Variants in IL1RAPL2 observed in about 807,000 individuals in gnomAD.
IL1RAPL2 encodes interleukin 1 receptor accessory protein like 2, also known as X-linked interleukin-1 receptor accessory protein-like 2.
IL1RAPL2 carries 3 observed loss-of-function variants against 44.1 expected under a neutral mutation model. The ratio of observed to expected loss-of-function variants is 0.07; its 90% CI spans 0.03 to 0.18. The LOEUF (loss-of-function observed/expected upper bound fraction) is 0.18. IL1RAPL2 is among the 10% of genes least tolerant of loss of function. The pLI, the probability that IL1RAPL2 is intolerant of heterozygous loss-of-function variation, is 1.00. For synonymous variants in IL1RAPL2, 181 were observed against 178.8 expected (o/e 1.01, Z -0.10); for missense variants, 391 against 496.4 (o/e 0.79, Z 2.02).
chrX:105,639,978 C>T (rs1176826307), intron 6 of IL1RAPL2, among the ~76,000 whole-genome samples: 2 of 111,227 alleles, frequency 1.8e-5, no homozygotes, highest in African/African-American at 6.5e-5. Context: ...GAGTCTGCCT[C>T]TTACCATTAT....
chrX:105,488,366 G>A (rs1447937435), intron 6 of IL1RAPL2, among the ~76,000 whole-genome samples: 1 of 111,985 alleles, frequency 8.9e-6, no homozygotes, highest in African/African-American at 3.2e-5. Context: ...TATGGTGGGA[G>A]AGAGAGGTCA....
In IL1RAPL2 at chrX:105,274,343, A is replaced by G. The variant is rs767871018; in HGVS notation, c.697+6802A>G. 7.6e-4 allele frequency among the ~76,000 whole-genome samples: 85 copies of G among 112,205 alleles called. 2 individuals carry two copies. Among genetic ancestry groups the G allele is most frequent in the Admixed American group, 1.6e-3 (17 of 10,528 alleles). On this transcript the variant is annotated intron_variant, in intron 5 of 10. Coordinates refer to ENST00000372582, the MANE Select transcript of IL1RAPL2 (RefSeq NM_017416.2). ...TCCAGAAAAATTAAGAATGCATGAA[A>G]CATGGTAAATTGTTACTGAATTTTG...
intron 5 of IL1RAPL2, among the ~76,000 whole-genome samples, chrX:105,447,968 TA>T (rs1300525841): frequency 6.0e-5 from 6 of 100,735 alleles, no homozygotes; most frequent in African/African-American, 2.1e-4. Flanking sequence ...ATAAATATAT[TA>T]AAAATATAAA....
chrX:105,448,419 C>T (rs763815520), intron 5 of IL1RAPL2, among the ~76,000 whole-genome samples: 2 of 107,063 alleles, frequency 1.9e-5, no homozygotes, highest in East Asian at 5.8e-4. Context: ...AGCTAGAGTG[C>T]GATGGTGCAA....
intron 6 of IL1RAPL2, among the ~76,000 whole-genome samples, chrX:105,641,832 C>T (rs1160861877): frequency 1.8e-5 from 2 of 111,140 alleles, no homozygotes; most frequent in African/African-American, 6.6e-5. Context: ...GGTGGATCAC[C>T]CATATATGGA....
At chrX:104,889,884 T>C (rs939143506) in intron 2 of IL1RAPL2, among the ~76,000 whole-genome samples, 7 of 111,564 alleles carry the variant, frequency 6.3e-5, no homozygotes, top group Non-Finnish European at 1.3e-4. Context: ...TGTGTCATGT[T>C]GGTGTGCTGC....
intron 2 of IL1RAPL2, among the ~76,000 whole-genome samples, chrX:104,907,338 C>T (rs1472209274): frequency 9.0e-6 from 1 of 111,378 alleles, no homozygotes; most frequent in African/African-American, 3.3e-5. Context: ...TTCTTGCCTT[C>T]TGCTAGCTTT....
At chrX:105,339,068 A>C (rs767896807) in intron 5 of IL1RAPL2, among the ~76,000 whole-genome samples, 1 of 112,082 alleles carries the variant, frequency 8.9e-6, no homozygotes, top group South Asian at 3.7e-4. Context: ...GCACCACTGC[A>C]CATCAGCCTG....
intron 2 of IL1RAPL2, among the ~76,000 whole-genome samples, chrX:104,772,703 A>C (rs1054225132): frequency 2.7e-5 from 3 of 111,847 alleles, no homozygotes; most frequent in African/African-American, 9.8e-5. Context: ...GTCATATAAA[A>C]TCATACCCTC....
At chrX:104,799,700 G>A (rs767083395) in intron 2 of IL1RAPL2, among the ~76,000 whole-genome samples, 1 of 111,556 alleles carries the variant, frequency 9.0e-6, no homozygotes, top group South Asian at 3.8e-4. Context: ...ATTTTTAATT[G>A]ACAATAATTG....
chrX:105,005,246 C>G (rs951587466), intron 2 of IL1RAPL2, among the ~76,000 whole-genome samples: 4 of 111,401 alleles, frequency 3.6e-5, no homozygotes, highest in Non-Finnish European at 7.6e-5. Flanking sequence ...CCTGTAGCCT[C>G]CTACAATGCT....
chrX:104,950,646 G>A (rs1379153019), intron 2 of IL1RAPL2, among the ~76,000 whole-genome samples: 3 of 112,569 alleles, frequency 2.7e-5, no homozygotes, highest in African/African-American at 9.7e-5. Context: ...AGGACCCTCC[G>A]AGCTAGGTGC....
In IL1RAPL2 at chrX:104,585,877, C is replaced by T. The variant is rs148528656; in HGVS notation, c.-20+18826C>T. On this transcript the variant is annotated intron_variant, in intron 1 of 10. Coordinates refer to ENST00000372582, the MANE Select transcript of IL1RAPL2 (RefSeq NM_017416.2). The stretch of plus-strand genomic sequence containing the variant: ...CATTTAGGTTGATTCCATGTCTTTG[C>T]TATTGTGAATAGTGGTGCAATGAAC... Among the ~76,000 whole-genome samples the T allele has an allele frequency of 7.2e-3, 798 of 110,991 alleles. 12 individuals carry two copies. Among genetic ancestry groups the T allele is most frequent in the African/African-American group, 0.026 (779 of 30,535 alleles).
chrX:104,966,232 G>A (rs976206841), intron 2 of IL1RAPL2, among the ~76,000 whole-genome samples: 1 of 111,546 alleles, frequency 9.0e-6, no homozygotes, highest in African/African-American at 3.2e-5. Context: ...AAAACACCAA[G>A]TAAATTGGTG....
intron 2 of IL1RAPL2, among the ~76,000 whole-genome samples, chrX:105,188,019 A>T (rs1237345342): frequency 8.9e-6 from 1 of 111,911 alleles, no homozygotes. Context: ...TAAAGACAAA[A>T]AAAGAATATT....
chrX:105,437,870 G>T (rs1047239714), intron 5 of IL1RAPL2, among the ~76,000 whole-genome samples: 2 of 111,764 alleles, frequency 1.8e-5, no homozygotes, highest in Non-Finnish European at 3.8e-5. Flanking sequence ...GATTGAGGAA[G>T]AAGTTTTTGT....
At chrX:104,841,935 G>T (rs1364691250) in intron 2 of IL1RAPL2, among the ~76,000 whole-genome samples, 1 of 110,495 alleles carries the variant, frequency 9.1e-6, no homozygotes. Context: ...ATGTTGGCCT[G>T]TCTTGCTAGG....
At chrX:104,986,868 G>A (rs2030570713) in intron 2 of IL1RAPL2, among the ~76,000 whole-genome samples, 1 of 111,958 alleles carries the variant, frequency 8.9e-6, no homozygotes, top group African/African-American at 3.2e-5. Flanking sequence ...GTCCTGTCCT[G>A]ATTTCTTTTA....
chrX:104,676,426 C>T (rs1930759145), intron 2 of IL1RAPL2, among the ~76,000 whole-genome samples: 1 of 111,571 alleles, frequency 9.0e-6, no homozygotes, highest in Admixed American at 9.5e-5. Flanking sequence ...TGAATATTGG[C>T]CCCCACTCTC....
Sources: allele counts gnomAD v4.1 joint callset (sites outside exome capture counted in the v4.1 genomes callset), GRCh38; gene constraint gnomAD v4.1.1; transcripts MANE v1.5; gene names NCBI Gene and HGNC (gene_info 2026-07-23, HGNC 2026-07-21).